Variants in TNIK observed in about 807,000 individuals in gnomAD.
TNIK encodes the protein TRAF2 and NCK interacting kinase.
A neutral mutation model predicts 191.3 loss-of-function variants in TNIK; 49 were observed. The ratio of observed to expected loss-of-function variants is 0.26; its 90% confidence interval spans 0.20 to 0.32. The LOEUF is 0.32. Ranked by LOEUF, TNIK falls within the 10% of genes least tolerant of loss-of-function variation. The probability of loss-of-function intolerance (pLI) is 1.00; values close to 1 mark genes in which losing one functional copy is unlikely to be tolerated. For missense variants in TNIK, 1,155 were observed against 1,702.3 expected (o/e 0.68, Z 5.66); for synonymous variants, 594 against 600.9 (o/e 0.99, Z 0.17).
chr3:171,137,446 C>T (rs180765493), intron 15 of TNIK, among the ~76,000 whole-genome samples: 459 of 152,200 alleles, frequency 3.0e-3, no homozygotes, highest in Non-Finnish European at 5.6e-3. Flanking sequence ...TGAAAACCAG[C>T]GTGTTATGCA....
intron 15 of TNIK, among the ~76,000 whole-genome samples, chr3:171,135,722 T>C (rs1729904907): frequency 1.3e-5 from 2 of 152,180 alleles, no homozygotes; most frequent in Non-Finnish European, 2.9e-5. Flanking sequence ...GGCCCAGACT[T>C]ATGGTGACTG....
At position 171,159,336 on chromosome 3, in the gene TNIK, G is replaced by A. The variant is rs1733667682; in HGVS notation, c.1017-1672C>T. 6.6e-6 allele frequency among the ~76,000 whole-genome samples: 1 copy of A among 152,124 alleles called. No individual in the cohort carries two copies. Among genetic ancestry groups the A allele is most frequent in the Non-Finnish European group, 1.5e-5 (1 of 68,016 alleles). ...CGGTGGTAACGAGAACAGGAATGAG[G>A]AATGCTGAGGGAGGAGCAAGTTTCG... On this transcript the variant is annotated intron_variant, in intron 11 of 32. Coordinates refer to ENST00000436636, the MANE Select transcript of TNIK (RefSeq NM_015028.4). The surrounding 1 kb of genome is among the most constrained non-coding windows in gnomAD (Gnocchi z 4.1).
At chr3:171,223,056 G>C (rs1742551737) in intron 3 of TNIK, among the ~76,000 whole-genome samples, 1 of 152,248 alleles carries the variant, frequency 6.6e-6, no homozygotes, top group Non-Finnish European at 1.5e-5. Context: ...CCTTGTCACA[G>C]TATTAAATTC....
At chr3:171,156,543 A>G (rs766709774) in intron 12 of TNIK, among the ~76,000 whole-genome samples, 1 of 152,200 alleles carries the variant, frequency 6.6e-6, no homozygotes, top group Non-Finnish European at 1.5e-5. Context: ...CCCAATAGAT[A>G]TGCTCTCTCG....
At chr3:171,236,805 T>C (rs887882349) in intron 2 of TNIK, among the ~76,000 whole-genome samples, 1 of 152,016 alleles carries the variant, frequency 6.6e-6, no homozygotes, top group Non-Finnish European at 1.5e-5. Context: ...ATATATTACA[T>C]CCTCTCCCCT....
chr3:171,459,198 G>A (rs914334194), intron 1 of TNIK, among the ~76,000 whole-genome samples: 5 of 151,556 alleles, frequency 3.3e-5, no homozygotes, highest in African/African-American at 1.2e-4. Context: ...CAAAGGACTG[G>A]CCACAGACAC....
chr3:171,249,712 GTGAGGAGC>G (rs1746016920), intron 2 of TNIK, among the ~76,000 whole-genome samples: 1 of 152,170 alleles, frequency 6.6e-6, no homozygotes, highest in Non-Finnish European at 1.5e-5. Flanking sequence ...TATATATTAA[GTGAGGAGC>G]CTGCAGGAAA....
chr3:171,238,615 C>G (rs1025126824), intron 2 of TNIK, among the ~76,000 whole-genome samples: 2 of 152,022 alleles, frequency 1.3e-5, no homozygotes, highest in South Asian at 4.1e-4. Flanking sequence ...CCACCCTTCC[C>G]CAACAAGCAA....
chr3:171,256,854 G>A (rs1746943089), intron 2 of TNIK, among the ~76,000 whole-genome samples: 1 of 152,090 alleles, frequency 6.6e-6, no homozygotes, highest in South Asian at 2.1e-4. Flanking sequence ...CCCCCATGAA[G>A]AGAGTCCTCT....
At chr3:171,235,129 C>T (rs1449138582) in intron 2 of TNIK, among the ~76,000 whole-genome samples, 2 of 152,192 alleles carry the variant, frequency 1.3e-5, no homozygotes, top group African/African-American at 4.8e-5. Flanking sequence ...GCAATCTCCA[C>T]CTCCTGGGTT....
At chr3:171,221,625 T>A (rs1294074165) in intron 3 of TNIK, among the ~76,000 whole-genome samples, 1 of 152,144 alleles carries the variant, frequency 6.6e-6, no homozygotes, top group Non-Finnish European at 1.5e-5. Context: ...GTTCACTGGA[T>A]GACTCCGTAG....
In TNIK at chr3:171,342,115, A is replaced by G. The variant is rs1487726883; in HGVS notation, c.123+27505T>C. Among the ~76,000 whole-genome samples, 3 of 152,254 alleles carry G rather than the reference A, an allele frequency of 2.0e-5. No homozygotes were observed. In the East Asian group the frequency reaches 5.8e-4, roughly 29 times the overall value. Reference sequence around the variant, plus strand: ...CCTCTTTATGTTACTCATATAAATTACGAAGACTAGATCTGAAACTATAAA... The same window carrying G: ...CCTCTTTATGTTACTCATATAAATTGCGAAGACTAGATCTGAAACTATAAA... On this transcript the variant is annotated intron_variant, in intron 2 of 32. Coordinates refer to ENST00000436636, the MANE Select transcript of TNIK (RefSeq NM_015028.4).
intron 18 of TNIK, among the ~76,000 whole-genome samples, chr3:171,115,525 A>G (rs1726554045): frequency 2.0e-5 from 3 of 152,234 alleles, no homozygotes; most frequent in Admixed American, 6.5e-5. Context: ...GGTATGGTTG[A>G]TGGCAGTGTT....
At chr3:171,096,979 G>A (rs1375694742) in intron 22 of TNIK, among the ~76,000 whole-genome samples, 3 of 152,136 alleles carry the variant, frequency 2.0e-5, no homozygotes, top group African/African-American at 7.2e-5. Context: ...TCAATGTTAA[G>A]TTTTACAATT....
At chr3:171,359,610 C>T (rs1316249453) in intron 2 of TNIK, among the ~76,000 whole-genome samples, 1 of 152,174 alleles carries the variant, frequency 6.6e-6, no homozygotes, top group African/African-American at 2.4e-5. Context: ...ATTCTAGACC[C>T]TCACCACCAA....
At position 171,128,885 on chromosome 3, in the gene TNIK, C is replaced by G. The variant is rs1329502307; in HGVS notation, c.1609-7G>C. 1.7e-6 allele frequency: 2 copies of G among 1,196,536 alleles called. 1 individual carries two copies. Among genetic ancestry groups the G allele is most frequent in the South Asian group, 5.0e-5 (2 of 39,948 alleles). 74.1% of individuals were successfully genotyped at this position (1,196,536 alleles called of 1,614,324 possible). On this transcript the variant is annotated splice_polypyrimidine_tract_variant and splice_region_variant and intron_variant, in intron 15 of 32. Transcript: ENST00000436636. ...GCCTTGACCGTTCTTCTACCTACAA[C>G]CCAAAAAAAAAAAAAAAAAAAAGAC...
At chr3:171,317,849 G>A (rs191997808) in intron 2 of TNIK, among the ~76,000 whole-genome samples, 3 of 152,262 alleles carry the variant, frequency 2.0e-5, no homozygotes, top group Admixed American at 1.3e-4. Context: ...GCTAGGCAGC[G>A]TGTTCCTATT....
intron 2 of TNIK, among the ~76,000 whole-genome samples, chr3:171,333,258 C>G (rs1756586635): frequency 6.6e-6 from 1 of 151,836 alleles, no homozygotes; most frequent in Non-Finnish European, 1.5e-5. Context: ...GAAGAAGAAT[C>G]TAAGATCTGA....
intron 1 of TNIK, among the ~76,000 whole-genome samples, chr3:171,379,834 C>G (rs893551605): frequency 1.3e-5 from 2 of 152,082 alleles, no homozygotes; most frequent in African/African-American, 2.4e-5. Flanking sequence ...CATGGTGAAA[C>G]CCCATTTCTA....
Sources: allele counts gnomAD v4.1 joint callset (sites outside exome capture counted in the v4.1 genomes callset), GRCh38; gene constraint gnomAD v4.1.1; non-coding constraint Gnocchi (gnomAD v3.1); transcripts MANE v1.5; gene names NCBI Gene and HGNC (gene_info 2026-07-23, HGNC 2026-07-21).